The following RBFOX1 variants were observed in gnomAD, a reference collection of about 807,000 sequenced individuals.
RBFOX1 encodes RNA binding fox-1 homolog 1, also known as RNA binding protein fox-1 homolog 1.
A neutral mutation model predicts 57.7 loss-of-function variants in RBFOX1; 8 were observed. The observed-to-expected ratio is 0.14, with a 90% CI of 0.08 to 0.25. The LOEUF is 0.25. Ranked by LOEUF, RBFOX1 falls within the 10% of genes least tolerant of loss-of-function variation. The pLI, the probability that RBFOX1 is intolerant of heterozygous loss-of-function variation, is 1.00. For missense variants in RBFOX1, 611 were observed against 548.5 expected (o/e 1.11, Z -1.14); for synonymous variants, 326 against 222.4 (o/e 1.47, Z -4.15).
intron 1 of RBFOX1, among the ~76,000 whole-genome samples, chr16:6,123,108 C>T (rs2096563980): frequency 6.6e-6 from 1 of 152,136 alleles, no homozygotes; most frequent in South Asian, 2.1e-4. Flanking sequence ...CCTCAAAAGG[C>T]TACACCTAAA....
chr16:5,988,518 A>T (rs1030793876), intron 4 of RBFOX1, among the ~76,000 whole-genome samples: 1 of 152,148 alleles, frequency 6.6e-6, no homozygotes, highest in Non-Finnish European at 1.5e-5. Context: ...CAGAGGAAGG[A>T]GGGTGAGATT....
At chr16:7,533,201 TA>T (rs1301425280) in intron 5 of RBFOX1, among the ~76,000 whole-genome samples, 3 of 152,204 alleles carry the variant, frequency 2.0e-5, no homozygotes, top group Non-Finnish European at 4.4e-5. Context: ...GGGTTGTTTT[TA>T]ATAAAAGATT....
intron 2 of RBFOX1, among the ~76,000 whole-genome samples, chr16:6,561,938 G>C (rs2097184402): frequency 6.6e-6 from 1 of 152,160 alleles, no homozygotes; most frequent in African/African-American, 2.4e-5. Context: ...GGTAAGTCAA[G>C]CTAAAGCTAA....
At chr16:7,510,292 G>A in intron 4 of RBFOX1, 1 of 985,940 alleles carries the variant, frequency 1.0e-6, no homozygotes, top group Non-Finnish European at 1.2e-6. Context: ...GGAGGAGAAA[G>A]GAAGCAGGAT....
upstream of RBFOX1, among the ~76,000 whole-genome samples, chr16:6,016,048 C>G (rs1001199654): frequency 6.6e-6 from 1 of 152,204 alleles, no homozygotes; most frequent in Non-Finnish European, 1.5e-5. Flanking sequence ...CCCATTTAGA[C>G]AGCAATCTAC....
At chr16:7,041,502 T>G (rs1234896391) in intron 3 of RBFOX1, among the ~76,000 whole-genome samples, 1 of 152,316 alleles carries the variant, frequency 6.6e-6, no homozygotes, top group Non-Finnish European at 1.5e-5. Flanking sequence ...TGACAAGCGC[T>G]GTCCTTACTT....
intron 1 of RBFOX1, among the ~76,000 whole-genome samples, chr16:6,261,591 C>A (rs1055649008): frequency 1.3e-5 from 2 of 152,210 alleles, no homozygotes; most frequent in African/African-American, 4.8e-5. Context: ...CAAGCTTCAC[C>A]AGTTTCATCT....
intron 2 of RBFOX1, among the ~76,000 whole-genome samples, chr16:6,626,315 G>A (rs1218160030): frequency 6.6e-6 from 1 of 152,122 alleles, no homozygotes; most frequent in Non-Finnish European, 1.5e-5. Flanking sequence ...GGTCACCCAT[G>A]AACCTAGAAG....
chr16:6,402,162 C>A (rs908685403), intron 2 of RBFOX1, among the ~76,000 whole-genome samples: 1 of 151,878 alleles, frequency 6.6e-6, no homozygotes, highest in Non-Finnish European at 1.5e-5. Flanking sequence ...ATGCAGACAC[C>A]CATTCATTTT....
chr16:6,134,376 C>A (rs1490753390), intron 1 of RBFOX1, among the ~76,000 whole-genome samples: 1 of 152,152 alleles, frequency 6.6e-6, no homozygotes, highest in African/African-American at 2.4e-5. Flanking sequence ...TAATCTTGCA[C>A]CCCAAGAACC....
At chr16:6,237,829 C>T (rs78574045) in intron 1 of RBFOX1, among the ~76,000 whole-genome samples, 74 of 152,054 alleles carry the variant, frequency 4.9e-4, no homozygotes, top group African/African-American at 1.7e-3. Context: ...TGCGTTGGCA[C>T]ACACCTGTAA....
At chr16:6,187,023 C>T (rs1438762338) in intron 1 of RBFOX1, among the ~76,000 whole-genome samples, 1 of 152,094 alleles carries the variant, frequency 6.6e-6, no homozygotes, top group Non-Finnish European at 1.5e-5. Flanking sequence ...TACTGTTGAA[C>T]TGTAATGATT....
chr16:7,176,309 A>G (rs901639055), intron 4 of RBFOX1, among the ~76,000 whole-genome samples: 1 of 151,672 alleles, frequency 6.6e-6, no homozygotes, highest in Admixed American at 6.6e-5. Flanking sequence ...TTTAGCTTTT[A>G]TCGTTTTTAT....
chr16:7,484,003 C>T (rs545498651), intron 4 of RBFOX1, among the ~76,000 whole-genome samples: 10 of 151,892 alleles, frequency 6.6e-5, no homozygotes, highest in Admixed American at 1.3e-4. Flanking sequence ...TCTATTCTGC[C>T]CCCCCATTCC....
chr16:5,940,068 A>T (rs968051840), intron 4 of RBFOX1, among the ~76,000 whole-genome samples: 1 of 152,108 alleles, frequency 6.6e-6, no homozygotes, highest in African/African-American at 2.4e-5. Context: ...GGTAAATTTA[A>T]ATTTCTTTAT....
intron 2 of RBFOX1, among the ~76,000 whole-genome samples, chr16:6,520,096 G>A (rs1309623694): frequency 6.6e-6 from 1 of 152,184 alleles, no homozygotes; most frequent in Non-Finnish European, 1.5e-5. Context: ...GGCACATTCA[G>A]TGAACTGCTT....
At chr16:5,650,121 T>C (rs1421254483) in intron 3 of RBFOX1, among the ~76,000 whole-genome samples, 1 of 152,196 alleles carries the variant, frequency 6.6e-6, no homozygotes, top group Non-Finnish European at 1.5e-5. Context: ...ATAACCTCTG[T>C]GGTTTCGACA....
chr16:7,204,472 T>G (rs1603025869), intron 4 of RBFOX1, among the ~76,000 whole-genome samples: 1 of 152,124 alleles, frequency 6.6e-6, no homozygotes, highest in South Asian at 2.1e-4. Context: ...TAAGACATTG[T>G]CTCTATAAAA....
rs192504841 is a variant in RBFOX1 at position 6,531,907 on chromosome 16, C to T, written c.-63-122696C>T. On this transcript the variant is annotated intron_variant, in intron 2 of 15. Coordinates refer to ENST00000550418, the MANE Select transcript of RBFOX1 (RefSeq NM_018723.4). ...GCAACAGGAACCAATTCCCCTTCTA[C>T]ATTAAGCAAAAAGAATACTTATTAG... Among the ~76,000 whole-genome samples, 1,194 of 152,244 alleles carry T rather than the reference C, an allele frequency of 7.8e-3. 14 individuals carry two copies. The highest frequency in any genetic ancestry group is 0.014 in the Non-Finnish European group (951 of 68,006).
Sources: allele counts gnomAD v4.1 joint callset (sites outside exome capture counted in the v4.1 genomes callset), GRCh38; gene constraint gnomAD v4.1.1; transcripts MANE v1.5; gene names NCBI Gene and HGNC (gene_info 2026-07-23, HGNC 2026-07-21).